Variants in QTMAN observed in about 807,000 individuals in gnomAD.
The protein encoded by QTMAN is tRNA-queuosine alpha-mannosyltransferase.
the QTMAN span, among the ~76,000 whole-genome samples, chr2:144,113,571 T>C: frequency 6.6e-6 from 1 of 152,220 alleles, no homozygotes; most frequent in East Asian, 1.9e-4. Flanking sequence ...ATTTCCCAAA[T>C]TTGGCAAAAG....
chr2:144,050,131 T>C, the QTMAN span, among the ~76,000 whole-genome samples: 1 of 152,340 alleles, frequency 6.6e-6, no homozygotes, highest in Non-Finnish European at 1.5e-5. Flanking sequence ...AAAGGCTTTG[T>C]ATTTCTTCCA....
chr2:144,007,951 C>G, the QTMAN span, among the ~76,000 whole-genome samples: 1 of 152,074 alleles, frequency 6.6e-6, no homozygotes, highest in East Asian at 1.9e-4. Context: ...TAACACTGGT[C>G]ATTTCTGCTC....
the QTMAN span, among the ~76,000 whole-genome samples, chr2:144,041,951 A>T: frequency 6.6e-6 from 1 of 152,166 alleles, no homozygotes; most frequent in South Asian, 2.1e-4. Flanking sequence ...GAGAGGGGAC[A>T]AAAGCACTAG....
At chr2:144,321,024 G>C in the QTMAN span, among the ~76,000 whole-genome samples, 2 of 152,254 alleles carry the variant, frequency 1.3e-5, no homozygotes, top group African/African-American at 4.8e-5. Flanking sequence ...CTATATAGAT[G>C]GATTTCCCAA....
chr2:144,135,391 C>T, the QTMAN span, among the ~76,000 whole-genome samples: 1 of 152,096 alleles, frequency 6.6e-6, no homozygotes, highest in African/African-American at 2.4e-5. Context: ...ATAAATGAGA[C>T]ATAACTTCAG....
At chr2:144,086,516 A>T in the QTMAN span, among the ~76,000 whole-genome samples, 11 of 152,196 alleles carry the variant, frequency 7.2e-5, no homozygotes, top group East Asian at 2.1e-3. Context: ...ACAGGTAAGG[A>T]CCTTGATTCA....
chr2:143,960,997 G>T, the QTMAN span, among the ~76,000 whole-genome samples: 1 of 152,102 alleles, frequency 6.6e-6, no homozygotes, highest in Admixed American at 6.6e-5. Context: ...TCTTTGGAAT[G>T]ACTTTATTTT....
the QTMAN span, among the ~76,000 whole-genome samples, chr2:144,089,246 A>C: frequency 6.6e-6 from 1 of 151,564 alleles, no homozygotes; most frequent in Non-Finnish European, 1.5e-5. Context: ...GAATGCAAAA[A>C]GCTACCTACC....
the QTMAN span, among the ~76,000 whole-genome samples, chr2:144,091,970 A>AT: frequency 6.6e-6 from 1 of 152,298 alleles, no homozygotes; most frequent in South Asian, 2.1e-4. Flanking sequence ...GAAGTTATAT[A>AT]TAAAAAAAAC....
At chr2:143,953,498 T>C in the QTMAN span, among the ~76,000 whole-genome samples, 1 of 151,870 alleles carries the variant, frequency 6.6e-6, no homozygotes, top group East Asian at 1.9e-4. Flanking sequence ...AGAATGCTTG[T>C]ATTATTAAAC....
the QTMAN span, among the ~76,000 whole-genome samples, chr2:144,056,939 T>C: frequency 1.1e-4 from 16 of 152,198 alleles, no homozygotes; most frequent in Admixed American, 2.6e-4. Flanking sequence ...CAAAACTATC[T>C]CTCTCAAAAA....
At chr2:144,074,499 T>G in the QTMAN span, among the ~76,000 whole-genome samples, 4 of 152,234 alleles carry the variant, frequency 2.6e-5, no homozygotes, top group South Asian at 4.1e-4. Context: ...CTACTTGGGA[T>G]GATTAAAGAT....
At chr2:144,215,257 A>T in the QTMAN span, among the ~76,000 whole-genome samples, 126 of 149,022 alleles carry the variant, frequency 8.5e-4, no homozygotes, top group African/African-American at 3.1e-3. Flanking sequence ...TTTAAAAAAA[A>T]AAAAATATAT....
At chr2:144,039,384 T>C in the QTMAN span, among the ~76,000 whole-genome samples, 2 of 151,964 alleles carry the variant, frequency 1.3e-5, no homozygotes, top group Non-Finnish European at 2.9e-5. Flanking sequence ...AACTCACAGA[T>C]ATGACCAAGT....
chr2:144,156,009 A>T, the QTMAN span, among the ~76,000 whole-genome samples: 1 of 152,200 alleles, frequency 6.6e-6, no homozygotes, highest in Non-Finnish European at 1.5e-5. Flanking sequence ...AACTATCAAA[A>T]TAAAATATAT....
chr2:143,995,875 T>C, the QTMAN span, among the ~76,000 whole-genome samples: 2 of 152,184 alleles, frequency 1.3e-5, no homozygotes, highest in Non-Finnish European at 2.9e-5. Flanking sequence ...AGAAGATCTC[T>C]AACTTAGTAT....
chr2:144,226,257 AT>A, the QTMAN span, among the ~76,000 whole-genome samples: 1 of 152,230 alleles, frequency 6.6e-6, no homozygotes, highest in Non-Finnish European at 1.5e-5. Flanking sequence ...TGTTAGAAGC[AT>A]TATCAAGGGA....
chr2:144,243,962 G>A, the QTMAN span, among the ~76,000 whole-genome samples: 7 of 152,194 alleles, frequency 4.6e-5, no homozygotes, highest in Middle Eastern at 3.4e-3. Flanking sequence ...ATTTACTGGC[G>A]CTATACCTGC....
chr2:144,275,191 T>C, the QTMAN span, among the ~76,000 whole-genome samples: 1 of 152,208 alleles, frequency 6.6e-6, no homozygotes, highest in East Asian at 1.9e-4. Flanking sequence ...GAGACCATCC[T>C]GGCTAATACG....
Sources: gnomAD v4.1 joint callset for allele counts (sites outside exome capture counted in the v4.1 genomes callset) on GRCh38, gnomAD v4.1.1 for gene constraint, MANE v1.5 for transcripts, NCBI Gene and HGNC (gene_info 2026-07-23, HGNC 2026-07-21) for gene names.